The following LRGUK variants were observed in gnomAD, a reference collection of about 807,000 sequenced individuals.
LRGUK encodes the protein leucine rich repeats and guanylate kinase domain containing.
In LRGUK, 65 loss-of-function variants were observed where a neutral mutation model predicts 76.0. The ratio of observed to expected loss-of-function variants is 0.85; its 90% confidence interval spans 0.70 to 1.05. LRGUK has a LOEUF of 1.05. LRGUK is among the 50% of genes least tolerant of loss of function. The pLI is 0.00. For missense variants in LRGUK, 758 were observed against 732.8 expected (o/e 1.03, Z -0.40); for synonymous variants, 268 against 265.6 (o/e 1.01, Z -0.09).
At chr7:134,130,365 ATG>A (rs146465930) in intron 1 of LRGUK, among the ~76,000 whole-genome samples, 127,336 of 151,892 alleles carry the variant, frequency 0.84, 54,010 homozygotes, top group Non-Finnish European at 0.9. Context: ...CTCTTTGGCT[ATG>A]GGGTTCATTA....
At chr7:134,247,337 T>C (rs1040092904) in intron 16 of LRGUK, among the ~76,000 whole-genome samples, 1 of 152,224 alleles carries the variant, frequency 6.6e-6, no homozygotes, top group Non-Finnish European at 1.5e-5. Context: ...ATAGAGTTTA[T>C]ATATTATATT....
chr7:134,262,970 CAAAAAAAAA>C (rs3030443), intron 19 of LRGUK, among the ~76,000 whole-genome samples: 2 of 89,960 alleles, frequency 2.2e-5, no homozygotes, highest in Non-Finnish European at 4.1e-5. Flanking sequence ...GACCTGGTCT[CAAAAAAAAA>C]AAAAAAAAAA....
intron 6 of LRGUK, among the ~76,000 whole-genome samples, 174 bp downstream of exon 6, chr7:134,158,333 TGA>T (rs376106200): frequency 4.0e-5 from 6 of 151,592 alleles, no homozygotes; most frequent in South Asian, 4.2e-4. Context: ...TGTGTGGTTG[TGA>T]GAGAGAGAGA....
intron 15 of LRGUK, among the ~76,000 whole-genome samples, chr7:134,204,156 G>A (rs918149908): frequency 6.6e-6 from 1 of 152,154 alleles, no homozygotes; most frequent in Non-Finnish European, 1.5e-5. Context: ...CCACTGACTG[G>A]GGGGGCTTGA....
At chr7:134,199,361 G>A (rs1211173950) in exon 14 of LRGUK, 3 of 1,613,684 alleles carry the variant, frequency 1.9e-6, no homozygotes, top group African/African-American at 1.3e-5. Flanking sequence ...CTCCAGAGTG[G>A]ACCTTTATAT....
At chr7:134,148,764 A>G (rs548917817) in intron 5 of LRGUK, among the ~76,000 whole-genome samples, 8 of 152,222 alleles carry the variant, frequency 5.3e-5, no homozygotes, top group Non-Finnish European at 5.9e-5. Flanking sequence ...TGCCTCTACT[A>G]AAAATACAAA....
At position 134,240,683 on chromosome 7, in the gene LRGUK, T is replaced by C. The variant is rs1802127202; in HGVS notation, c.1984-6873T>C. Among the ~76,000 whole-genome samples the C allele has an allele frequency of 2.6e-5, 4 of 152,092 alleles. No individual in the cohort carries two copies. In the South Asian group the frequency reaches 8.3e-4, roughly 32 times the overall value. ...ACCTAGCGAGGCAGGCCAACATTCA[T>C]ATTCAGGAAATACAGAGAATGCCAC... On this transcript the variant is annotated intron_variant, in intron 16 of 19. Coordinates refer to the LRGUK transcript ENST00000285928.
intron 12 of LRGUK, among the ~76,000 whole-genome samples, chr7:134,192,158 C>T (rs1164435719): frequency 1.3e-5 from 2 of 152,112 alleles, no homozygotes; most frequent in East Asian, 1.9e-4. Context: ...GGTATTCTGT[C>T]CAGAAAGTAG....
At position 134,255,168 on chromosome 7, in the gene LRGUK, T is replaced by C. The variant is rs1296174026; in HGVS notation, c.2199-3089T>C. Among the ~76,000 whole-genome samples, 3 of 152,044 alleles carry C rather than the reference T, an allele frequency of 2.0e-5. No homozygotes were observed. In the East Asian group the frequency reaches 5.8e-4, roughly 29 times the overall value. On this transcript the variant is annotated intron_variant, in intron 18 of 19. Coordinates refer to the LRGUK transcript ENST00000285928. ...AGTTACAAAGCTAGTGGATCTTGTGTAACACTCAACCACATGCCAGTTTCC... is the reference window on the plus strand; with the variant it reads ...AGTTACAAAGCTAGTGGATCTTGTGCAACACTCAACCACATGCCAGTTTCC...
Sources: gnomAD v4.1 joint callset for allele counts (sites outside exome capture counted in the v4.1 genomes callset) on GRCh38, gnomAD v4.1.1 for gene constraint, MANE v1.5 for transcripts, NCBI Gene and HGNC (gene_info 2026-07-23, HGNC 2026-07-21) for gene names.